LTBP1: variants seen among roughly 807,000 people sequenced by gnomAD.
The protein encoded by LTBP1 is latent-transforming growth factor beta-binding protein 1.
A neutral mutation model predicts 207.6 loss-of-function variants in LTBP1; 129 were observed. The observed-to-expected ratio is 0.62, with a 90% CI of 0.54 to 0.72. LTBP1 has a LOEUF of 0.72. Ranked by LOEUF, LTBP1 falls within the 30% of genes least tolerant of loss-of-function variation. The pLI is 0.00. For synonymous variants in LTBP1, 963 were observed against 833.7 expected (o/e 1.16, Z -2.67); for missense variants, 2,281 against 2,217.2 (o/e 1.03, Z -0.58).
intron 9 of LTBP1, among the ~76,000 whole-genome samples, chr2:33,235,791 A>T (rs779833231): frequency 3.9e-5 from 6 of 152,146 alleles, no homozygotes; most frequent in Non-Finnish European, 8.8e-5. Context: ...TTCTTAGCAA[A>T]CTAACACAGA....
At chr2:33,317,247 A>G (rs1421637540) in intron 24 of LTBP1, among the ~76,000 whole-genome samples, 2 of 152,214 alleles carry the variant, frequency 1.3e-5, no homozygotes, top group Non-Finnish European at 2.9e-5. Flanking sequence ...TACTGTACTC[A>G]TTGAGTATAC....
chr2:33,004,516 C>T (rs1686497054), intron 2 of LTBP1, among the ~76,000 whole-genome samples: 1 of 151,440 alleles, frequency 6.6e-6, no homozygotes, highest in Admixed American at 6.6e-5. Flanking sequence ...TAAAATTGGT[C>T]GGGTGCGGTG....
intron 2 of LTBP1, among the ~76,000 whole-genome samples, chr2:33,004,801 A>ATATATATATATATC (rs2149017074): frequency 7.0e-6 from 1 of 143,688 alleles, no homozygotes; most frequent in Admixed American, 7.0e-5. Flanking sequence ...ATATATATAT[A>ATATATATATATATC]TATATATATA....
intron 3 of LTBP1, among the ~76,000 whole-genome samples, chr2:33,104,441 C>T (rs776844720): frequency 6.6e-6 from 1 of 152,144 alleles, no homozygotes; most frequent in African/African-American, 2.4e-5. Context: ...TTTCTCTGGC[C>T]CTTGTTGGTT....
intron 31 of LTBP1, among the ~76,000 whole-genome samples, chr2:33,382,780 T>C (rs905348813): frequency 7.9e-5 from 12 of 152,208 alleles, no homozygotes; most frequent in Admixed American, 6.5e-5. Context: ...CCCAAGTCTT[T>C]GGATTCCAGG....
intron 2 of LTBP1, among the ~76,000 whole-genome samples, chr2:32,983,062 A>G (rs565966974): frequency 9.2e-5 from 14 of 152,192 alleles, no homozygotes; most frequent in Non-Finnish European, 2.1e-4. Context: ...CAGACACTCA[A>G]TGTCAGCTCA....
At position 33,244,663 on chromosome 2, in the gene LTBP1, G is replaced by A. The variant is rs554513698; in HGVS notation, c.1999+879G>A. ...CTGTAAGATTTTTTTTAAAGAGATG[G>A]GGTCTTGCTATGTTGCCTAGGCTGG... On this transcript the variant is annotated intron_variant, in intron 10 of 33. Coordinates refer to ENST00000404816, the MANE Select transcript of LTBP1 (RefSeq NM_206943.4). 4.6e-5 allele frequency among the ~76,000 whole-genome samples: 7 copies of A among 152,182 alleles called. No homozygotes were observed. The East Asian group carries it at 1.4e-3, about 29-fold the overall frequency.
At chr2:33,240,939 C>T (rs1045132185) in intron 9 of LTBP1, among the ~76,000 whole-genome samples, 10 of 152,050 alleles carry the variant, frequency 6.6e-5, no homozygotes, top group African/African-American at 2.4e-4. Context: ...CGTGAGCCAC[C>T]GCGCCCGGCC....
At chr2:33,238,624 A>G (rs113831810) in intron 9 of LTBP1, among the ~76,000 whole-genome samples, 6,218 of 152,302 alleles carry the variant, frequency 0.041, 130 homozygotes, top group Non-Finnish European at 0.049. Flanking sequence ...TCTGGGTAAC[A>G]TAACATTTTG....
chr2:33,262,660 A>C (rs2093050492), intron 13 of LTBP1, 62 bp from the exon 14 acceptor site: 3 of 863,668 alleles, frequency 3.5e-6, no homozygotes. Context: ...GGGAAACTAA[A>C]AATAATTTCC....
intron 25 of LTBP1, among the ~76,000 whole-genome samples, chr2:33,343,215 A>G (rs1397292806): frequency 2.0e-5 from 3 of 151,994 alleles, no homozygotes; most frequent in Non-Finnish European, 2.9e-5. Flanking sequence ...CAGCCTGGGT[A>G]GCATGGTGAG....
intron 2 of LTBP1, among the ~76,000 whole-genome samples, chr2:32,956,949 A>G (rs1222541670): frequency 6.6e-6 from 1 of 152,220 alleles, no homozygotes; most frequent in Non-Finnish European, 1.5e-5. Context: ...GTCAGTGAGG[A>G]GTAATATTTT....
rs186886965 is a variant in LTBP1, at chr2:33,027,814, C to T, written c.863+6608C>T. Among the ~76,000 whole-genome samples, 4 of 152,112 alleles carry T rather than the reference C, an allele frequency of 2.6e-5. 1 individual carries two copies. Among genetic ancestry groups the T allele is most frequent in the Admixed American group, 1.3e-4 (2 of 15,282 alleles). Reference sequence around the variant, plus strand: ...ATCGCACCACTGCACTCCAGTCTGGCGACAGAGCAAGACTCCATCTCAGAA... The same window carrying T: ...ATCGCACCACTGCACTCCAGTCTGGTGACAGAGCAAGACTCCATCTCAGAA... On this transcript the variant is annotated intron_variant, in intron 3 of 33. Transcript: ENST00000404816.
chr2:33,219,572 ATGTC>A (rs2149395509), intron 8 of LTBP1, among the ~76,000 whole-genome samples: 1 of 151,774 alleles, frequency 6.6e-6, no homozygotes, highest in Admixed American at 6.6e-5. Context: ...TTTGTTTACC[ATGTC>A]TGTCTGTCTG....
intron 24 of LTBP1, among the ~76,000 whole-genome samples, chr2:33,317,352 A>G (rs1003039311): frequency 6.6e-6 from 1 of 152,272 alleles, no homozygotes; most frequent in Admixed American, 6.5e-5. Context: ...TTGGTATTAT[A>G]CATGGTAGTA....
At chr2:33,005,438 A>G (rs1426159768) in intron 2 of LTBP1, among the ~76,000 whole-genome samples, 1 of 152,046 alleles carries the variant, frequency 6.6e-6, no homozygotes, top group African/African-American at 2.4e-5. Context: ...GGGCTTCTCC[A>G]TTACATGATG....
At chr2:33,049,293 G>A (rs1411190860) in intron 3 of LTBP1, among the ~76,000 whole-genome samples, 1 of 152,196 alleles carries the variant, frequency 6.6e-6, no homozygotes, top group Non-Finnish European at 1.5e-5. Context: ...TAAGACCAAT[G>A]AAATGACATT....
chr2:33,034,938 GTTTTA>G (rs2075849553), intron 3 of LTBP1, among the ~76,000 whole-genome samples: 1 of 152,166 alleles, frequency 6.6e-6, no homozygotes, highest in Non-Finnish European at 1.5e-5. Flanking sequence ...ATGTTCTTCA[GTTTTA>G]TTTTTATACC....
At chr2:33,126,166 C>A (rs144109620) in intron 4 of LTBP1, among the ~76,000 whole-genome samples, 1 of 152,024 alleles carries the variant, frequency 6.6e-6, no homozygotes, top group Non-Finnish European at 1.5e-5. Context: ...AGACAGACCA[C>A]GACAGAAGCC....
Sources: gnomAD v4.1 joint callset for allele counts (sites outside exome capture counted in the v4.1 genomes callset) on GRCh38, gnomAD v4.1.1 for gene constraint, MANE v1.5 for transcripts, NCBI Gene and HGNC (gene_info 2026-07-23, HGNC 2026-07-21) for gene names.